ZFAT: variants seen among roughly 807,000 people sequenced by gnomAD.
ZFAT encodes the protein zinc finger and AT-hook domain containing.
In ZFAT, 64 loss-of-function variants were observed where a neutral mutation model predicts 117.7. That is an observed-to-expected ratio of 0.54 (90% confidence interval 0.44 to 0.67). The LOEUF (loss-of-function observed/expected upper bound fraction) is 0.67. Ranked by LOEUF, ZFAT falls within the 30% of genes least tolerant of loss-of-function variation. The pLI, the probability that ZFAT is intolerant of heterozygous loss-of-function variation, is 0.00. For missense variants in ZFAT, 1,433 were observed against 1,584.5 expected (o/e 0.90, Z 1.62); for synonymous variants, 679 against 615.0 (o/e 1.10, Z -1.54).
At chr8:134,803,033 A>G in the ZFAT span, among the ~76,000 whole-genome samples, 1 of 152,194 alleles carries the variant, frequency 6.6e-6, no homozygotes, top group Non-Finnish European at 1.5e-5. Context: ...ATCGTCTTTG[A>G]TTCACCTCAT....
At chr8:134,781,080 G>A in the ZFAT span, among the ~76,000 whole-genome samples, 1 of 152,022 alleles carries the variant, frequency 6.6e-6, no homozygotes. Flanking sequence ...CTCTTGGAAT[G>A]CAGGTAGGGA....
chr8:134,690,226 C>T (rs556482921), intron 1 of ZFAT, among the ~76,000 whole-genome samples: 14 of 152,296 alleles, frequency 9.2e-5, no homozygotes, highest in African/African-American at 2.9e-4. Context: ...TAGGAGAAGG[C>T]TTCCACCACC....
In ZFAT at chr8:134,661,422, G is replaced by A. The variant is rs114774497; in HGVS notation, c.20-3685C>T. ...CTGAAGGGGCTGGCCCTGAAGGAGA[G>A]GCCCCACGTGCCTGAGCTGTGCCAG... On this transcript the variant is annotated intron_variant, in intron 1 of 15. Coordinates refer to ENST00000377838, the MANE Select transcript of ZFAT (RefSeq NM_020863.4). Among the ~76,000 whole-genome samples, 1,320 of 152,344 alleles carry A rather than the reference G, an allele frequency of 8.7e-3. 27 individuals are homozygous for A. Among genetic ancestry groups the A allele is most frequent in the African/African-American group, 0.03 (1,252 of 41,586 alleles).
chr8:134,748,130 T>C, the ZFAT span, among the ~76,000 whole-genome samples: 1 of 152,226 alleles, frequency 6.6e-6, no homozygotes, highest in Admixed American at 6.5e-5. Context: ...CATATGGTAG[T>C]TAAGTGAAGA....
At chr8:134,637,237 C>A (rs1449460577) in intron 3 of ZFAT, among the ~76,000 whole-genome samples, 1 of 152,244 alleles carries the variant, frequency 6.6e-6, no homozygotes, top group Non-Finnish European at 1.5e-5. Context: ...GCAAAGCAGT[C>A]CCCTGACCTG....
At chr8:134,724,776 G>A in the ZFAT span, among the ~76,000 whole-genome samples, 2 of 152,028 alleles carry the variant, frequency 1.3e-5, no homozygotes, top group South Asian at 4.1e-4. Flanking sequence ...CTATAGCAAG[G>A]GGGAGAAACT....
intron 3 of ZFAT, among the ~76,000 whole-genome samples, chr8:134,618,662 T>C (rs1828906003): frequency 6.6e-6 from 1 of 152,230 alleles, no homozygotes; most frequent in South Asian, 2.1e-4. Flanking sequence ...ATATTCTCTT[T>C]ATGAGATGAT....
intron 13 of ZFAT, among the ~76,000 whole-genome samples, chr8:134,517,179 C>T (rs985622709): frequency 2.0e-5 from 3 of 152,128 alleles, no homozygotes; most frequent in African/African-American, 4.8e-5. Context: ...TTCCTCTCCA[C>T]GTAGTCACCA....
In ZFAT at chr8:134,656,339, G is replaced by A. The variant is rs1177247420; in HGVS notation, c.196+1222C>T. On this transcript the variant is annotated intron_variant, in intron 2 of 15. Transcript: ENST00000377838. The stretch of plus-strand genomic sequence containing the variant: ...GGGAGAGGACAGGTCTGCTCACAAG[G>A]CCTGTGAGGGGCTGAGCACGCCATG... Among the ~76,000 whole-genome samples, 5 of 152,150 alleles carry A rather than the reference G, an allele frequency of 3.3e-5. No homozygotes were observed. In the East Asian group the frequency reaches 9.6e-4, roughly 29 times the overall value.
At chr8:134,737,632 GC>G in the ZFAT span, among the ~76,000 whole-genome samples, 7 of 152,330 alleles carry the variant, frequency 4.6e-5, no homozygotes, top group South Asian at 4.1e-4. Flanking sequence ...ACTTAGGACT[GC>G]CCAGCTAGGT....
chr8:134,496,899 G>A (rs1563773579), intron 15 of ZFAT, among the ~76,000 whole-genome samples: 1 of 152,342 alleles, frequency 6.6e-6, no homozygotes, highest in Non-Finnish European at 1.5e-5. Context: ...GGGCAGGAAG[G>A]ACCTGACAAT....
intron 1 of ZFAT, among the ~76,000 whole-genome samples, chr8:134,660,499 C>T (rs1364317263): frequency 6.6e-6 from 1 of 152,224 alleles, no homozygotes; most frequent in East Asian, 1.9e-4. Flanking sequence ...ATGAATCAGG[C>T]ATGAGGTCCA....
intron 10 of ZFAT, among the ~76,000 whole-genome samples, chr8:134,572,346 G>A (rs1017793119): frequency 6.6e-6 from 1 of 152,216 alleles, no homozygotes; most frequent in African/African-American, 2.4e-5. Flanking sequence ...CGTGCTGTCT[G>A]TGCTCTAACA....
chr8:134,544,981 T>C (rs1449606584), intron 11 of ZFAT, among the ~76,000 whole-genome samples: 1 of 152,096 alleles, frequency 6.6e-6, no homozygotes, highest in African/African-American at 2.4e-5. Flanking sequence ...TGCACAAGCA[T>C]ACCAGGGGAC....
intron 1 of ZFAT, among the ~76,000 whole-genome samples, chr8:134,679,299 A>C: frequency 6.6e-6 from 1 of 152,278 alleles, no homozygotes; most frequent in East Asian, 1.9e-4. Flanking sequence ...GACACTTCTC[A>C]AAAGAAGACA....
At chr8:134,809,211 A>G in the ZFAT span, among the ~76,000 whole-genome samples, 1 of 152,202 alleles carries the variant, frequency 6.6e-6, no homozygotes, top group African/African-American at 2.4e-5. Flanking sequence ...CAGCGTCAGC[A>G]TGGCTTAGGC....
Position 134,512,536 on chromosome 8 carries a change from G to T in ZFAT, c.3300C>A (p.Asp1100Glu). The T allele has an allele frequency of 1.9e-6, 3 of 1,613,998 alleles. No individual in the cohort carries two copies. The highest frequency in any genetic ancestry group is 1.7e-6 in the Non-Finnish European group (2 of 1,179,900). The change falls in exon 14 of 16, where the codon GAC becomes GAA. Residue 1100 changes from aspartate (D) to glutamate (E), a missense_variant. This residue lies in a region of ZFAT where 503 missense variants were observed against 543.4 expected (regional missense o/e 0.93). Coordinates refer to ENST00000377838, the MANE Select transcript of ZFAT (RefSeq NM_020863.4). ...CCACCGCTGCCTGTGTCCCTTGAACGTCTTCTTCGGCCTCTGTGATGTGGA... is the reference window on the plus strand; with the variant it reads ...CCACCGCTGCCTGTGTCCCTTGAACTTCTTCTTCGGCCTCTGTGATGTGGA... ...QYLHITEAEE[D>E]VQGTQAAVAA...
chr8:134,493,670 G>C (rs1818218065), intron 15 of ZFAT, among the ~76,000 whole-genome samples: 1 of 152,252 alleles, frequency 6.6e-6, no homozygotes, highest in South Asian at 2.1e-4. Context: ...CACAGGGCAG[G>C]TGCGTGAGGC....
At chr8:134,637,770 C>A in intron 2 of ZFAT, 58 bp from the exon 3 acceptor site, 1 of 1,573,156 alleles carries the variant, frequency 6.4e-7, no homozygotes, top group Non-Finnish European at 8.6e-7. Flanking sequence ...GCAGGGTTCA[C>A]AATCACCCTC....
Sources: allele counts gnomAD v4.1 joint callset (sites outside exome capture counted in the v4.1 genomes callset), GRCh38; gene constraint gnomAD v4.1.1; regional missense constraint gnomAD v4.1.1; transcripts MANE v1.5; gene names NCBI Gene and HGNC (gene_info 2026-07-23, HGNC 2026-07-21).